The following MYH15 variants were observed in gnomAD, a reference collection of about 807,000 sequenced individuals.
The protein encoded by MYH15 is myosin-15.
In MYH15, 227 loss-of-function variants were observed where a neutral mutation model predicts 240.5. That is an observed-to-expected ratio of 0.94 (90% CI 0.85 to 1.05). MYH15 has a LOEUF of 1.05. Among genes scored for constraint, MYH15 ranks in the 50% least tolerant of loss-of-function variants. The probability of loss-of-function intolerance (pLI) is 0.00; values close to 1 mark genes in which losing one functional copy is unlikely to be tolerated. For missense variants in MYH15, 2,217 were observed against 2,247.5 expected (o/e 0.99, Z 0.27); for synonymous variants, 785 against 796.7 (o/e 0.99, Z 0.25).
At chr3:108,421,054 A>T in intron 28 of MYH15, 34 bp downstream of exon 28, 1 of 1,612,730 alleles carries the variant, frequency 6.2e-7, no homozygotes, top group Admixed American at 1.7e-5. Context: ...TGGGATTGAG[A>T]ATTGCCTATG....
At chr3:108,409,327 G>C (rs1280038239) in intron 31 of MYH15, among the ~76,000 whole-genome samples, 1 of 152,206 alleles carries the variant, frequency 6.6e-6, no homozygotes, top group African/African-American at 2.4e-5. Context: ...ATCACCTGGA[G>C]AGCTTTGGAA....
At chr3:108,523,898 TTATTTTAATGATTCTATGA>T (rs1477250632) in intron 1 of MYH15, among the ~76,000 whole-genome samples, 1 of 151,874 alleles carries the variant, frequency 6.6e-6, no homozygotes, top group East Asian at 1.9e-4. Context: ...CTCAAATGCA[TTATTTTAATGATTCTATGA>T]TATTTCACAT....
chr3:108,457,765 G>A (rs1290278856), intron 18 of MYH15, among the ~76,000 whole-genome samples: 7 of 152,352 alleles, frequency 4.6e-5, no homozygotes, highest in Middle Eastern at 3.4e-3. Context: ...CTGGCACAGC[G>A]GCTCATGCCT....
At chr3:108,400,431 T>C (rs1212927402) in intron 33 of MYH15, among the ~76,000 whole-genome samples, 1 of 152,188 alleles carries the variant, frequency 6.6e-6, no homozygotes, top group African/African-American at 2.4e-5. Flanking sequence ...TTTCTATTCT[T>C]CTTTCTCATA....
intron 21 of MYH15, among the ~76,000 whole-genome samples, chr3:108,445,297 G>C (rs1460901348): frequency 6.6e-6 from 1 of 152,128 alleles, no homozygotes; most frequent in Non-Finnish European, 1.5e-5. Flanking sequence ...AAAAAGGCAA[G>C]GCAGAAACCT....
At chr3:108,503,494 G>C (rs911067244) in intron 2 of MYH15, among the ~76,000 whole-genome samples, 3 of 152,160 alleles carry the variant, frequency 2.0e-5, no homozygotes, top group African/African-American at 4.8e-5. Flanking sequence ...AATGGGCAAA[G>C]AGCTTGAATA....
Position 108,410,834 on chromosome 3 carries a change from A to G in MYH15, c.4244T>C (p.Leu1415Pro). 1 of 1,613,988 alleles carries G rather than the reference A, an allele frequency of 6.2e-7. No individual in the cohort carries two copies. Among genetic ancestry groups the G allele is most frequent in the Non-Finnish European group, 8.5e-7 (1 of 1,179,848 alleles). Residue 1415 changes from leucine (L) to proline (P), a missense_variant, in exon 31 of 41, where the codon CTG becomes CCG. By Grantham distance (98) the Leu-to-Pro change is moderately conservative (BLOSUM62 -3). Transcript: ENST00000693548. ...GTCAGACAGGGCGTCCCCGAGCTCC[A>G]GCTGCAGCTGGTGCCTGGCTCTCTC... is the stretch of plus-strand genomic sequence containing the variant. ...SLERARHQLQ[L>P]ELGDALSDLG...
upstream of MYH15, among the ~76,000 whole-genome samples, chr3:108,512,880 C>A (rs141787019): frequency 2.6e-5 from 4 of 151,988 alleles, no homozygotes; most frequent in South Asian, 2.1e-4. Context: ...AGGAGTGGGG[C>A]GGGCCTGGCA....
intron 18 of MYH15, 25 bp from the exon 19 acceptor site, chr3:108,456,908 G>A (rs754664446): frequency 1.2e-5 from 19 of 1,532,322 alleles, no homozygotes; most frequent in Non-Finnish European, 8.1e-6. Context: ...GAGTCATGGT[G>A]GATCTGTGCC....
chr3:108,522,730 C>G (rs1173710096), intron 1 of MYH15, among the ~76,000 whole-genome samples: 1 of 151,906 alleles, frequency 6.6e-6, no homozygotes, highest in African/African-American at 2.4e-5. Context: ...TGTTTTATAG[C>G]GTTTACTATA....
chr3:108,505,633 G>T, intron 2 of MYH15, 90 bp downstream of exon 2: 1 of 668,006 alleles, frequency 1.5e-6, no homozygotes, highest in Non-Finnish European at 2.2e-6. Context: ...TCCTACCCCA[G>T]ATCTTTAATT....
intron 25 of MYH15, among the ~76,000 whole-genome samples, chr3:108,434,064 T>C (rs1458780616): frequency 6.6e-6 from 1 of 151,558 alleles, no homozygotes; most frequent in Non-Finnish European, 1.5e-5. Context: ...GATATTAATA[T>C]ATTATTACAT....
At chr3:108,541,942 T>C in the MYH15 span, among the ~76,000 whole-genome samples, 49 of 152,242 alleles carry the variant, frequency 3.2e-4, no homozygotes, top group South Asian at 2.1e-4. Flanking sequence ...AATATAGGTA[T>C]ACACATTTAT....
chr3:108,396,393 G>T (rs940015062), intron 35 of MYH15, among the ~76,000 whole-genome samples: 1 of 152,126 alleles, frequency 6.6e-6, no homozygotes, highest in Non-Finnish European at 1.5e-5. Context: ...AGATTATGAG[G>T]CATTAGATTC....
At chr3:108,461,144 G>C (rs1172286751) in intron 16 of MYH15, among the ~76,000 whole-genome samples, 8 of 152,166 alleles carry the variant, frequency 5.3e-5, no homozygotes, top group African/African-American at 1.9e-4. Flanking sequence ...TAGGCAAGCT[G>C]GACAGAATAG....
chr3:108,394,605 T>G (rs1284688610), intron 35 of MYH15, among the ~76,000 whole-genome samples: 1 of 152,152 alleles, frequency 6.6e-6, no homozygotes, highest in Admixed American at 6.5e-5. Flanking sequence ...ACAAAAAAAA[T>G]CATTCCTCTT....
intron 1 of MYH15, among the ~76,000 whole-genome samples, chr3:108,508,533 A>AT (rs2083496588): frequency 1.3e-5 from 2 of 152,102 alleles, no homozygotes; most frequent in Non-Finnish European, 2.9e-5. Context: ...ATATGATTCC[A>AT]TTTTTTAGAC....
chr3:108,480,665 T>C (rs1302919578), intron 11 of MYH15, among the ~76,000 whole-genome samples: 1 of 152,178 alleles, frequency 6.6e-6, no homozygotes, highest in Non-Finnish European at 1.5e-5. Flanking sequence ...CTGAGAAATA[T>C]GACTAGGAGG....
At chr3:108,467,309 C>T (rs1420073487) in intron 14 of MYH15, among the ~76,000 whole-genome samples, 1 of 151,500 alleles carries the variant, frequency 6.6e-6, no homozygotes, top group Non-Finnish European at 1.5e-5. Flanking sequence ...TAATATGATT[C>T]ATTTTATATT....
Sources: allele counts gnomAD v4.1 joint callset (sites outside exome capture counted in the v4.1 genomes callset), GRCh38; gene constraint gnomAD v4.1.1; transcripts MANE v1.5; gene names NCBI Gene and HGNC (gene_info 2026-07-23, HGNC 2026-07-21).